The following TOR1AIP1 variants were observed in gnomAD, a reference collection of about 807,000 sequenced individuals.
TOR1AIP1 encodes torsin 1A interacting protein 1.
Under a neutral mutation model 63.3 loss-of-function variants are expected in TOR1AIP1, and 54 were observed. The observed-to-expected ratio is 0.85, with a 90% confidence interval of 0.69 to 1.07. TOR1AIP1 has a LOEUF of 1.07. Among genes scored for constraint, TOR1AIP1 ranks in the 50% least tolerant of loss-of-function variants. The pLI is 0.00. For missense variants in TOR1AIP1, 736 were observed against 715.0 expected (o/e 1.03, Z -0.33); for synonymous variants, 294 against 273.5 (o/e 1.07, Z -0.74).
intron 5 of TOR1AIP1, 94 bp downstream of exon 5, chr1:179,901,482 TAATA>T: frequency 1.7e-6 from 1 of 594,904 alleles, no homozygotes; most frequent in Non-Finnish European, 2.7e-6. Context: ...AAATTTTTAT[TAATA>T]CTTTATAAAA....
intron 2 of TOR1AIP1, among the ~76,000 whole-genome samples, chr1:179,887,553 A>G (rs1284147228): frequency 3.9e-5 from 6 of 152,254 alleles, no homozygotes; most frequent in Non-Finnish European, 5.9e-5. Flanking sequence ...TTGAAATTCC[A>G]TAATTGAGTT....
At chr1:179,896,795 T>G (rs984638067) in intron 3 of TOR1AIP1, among the ~76,000 whole-genome samples, 15 of 152,286 alleles carry the variant, frequency 9.8e-5, no homozygotes, top group African/African-American at 3.6e-4. Context: ...TTACAGACAA[T>G]ACTCTCACAC....
intron 3 of TOR1AIP1, among the ~76,000 whole-genome samples, chr1:179,899,391 G>A (rs550369280): frequency 2.0e-5 from 3 of 152,066 alleles, no homozygotes; most frequent in South Asian, 2.1e-4. Context: ...ACATGGACCC[G>A]CCAGAACTAG....
chr1:179,894,875 T>C (rs1436623650), intron 3 of TOR1AIP1, among the ~76,000 whole-genome samples: 1 of 152,190 alleles, frequency 6.6e-6, no homozygotes, highest in Non-Finnish European at 1.5e-5. Flanking sequence ...TTTCTAGGAA[T>C]AGCAAAATCT....
intron 3 of TOR1AIP1, 133 bp from the exon 4 acceptor site, chr1:179,899,993 G>A: frequency 1.6e-6 from 1 of 624,560 alleles, no homozygotes; most frequent in Non-Finnish European, 2.8e-6. Context: ...GTGTCCTCAT[G>A]TTCATTTTCC....
rs769442684 is a variant in TOR1AIP1, at chr1:179,882,884, A to G, written c.382A>G (p.Thr128Ala). The change falls in exon 1 of 10, where the codon ACC becomes GCC. Residue 128 changes from threonine to alanine, a missense_variant. This residue lies in a region of TOR1AIP1 where 464 missense variants were observed against 371.0 expected (regional missense o/e 1.25). Transcript: ENST00000606911. ...CGAGGAAATGAAGACGCGAAGGACT[A>G]CCCGCCTTCAGCAGCAGCACTCAGA... ...ETEEMKTRRTTRLQQQHSEQP... is the reference protein window; with the variant it reads ...ETEEMKTRRTARLQQQHSEQP... The G allele has an allele frequency of 6.2e-7, 1 of 1,613,938 alleles. No individual in the cohort carries two copies. The highest frequency in any genetic ancestry group is 2.2e-5 in the East Asian group (1 of 44,860).
At chr1:179,886,590 G>T (rs1647916133) in intron 2 of TOR1AIP1, among the ~76,000 whole-genome samples, 1 of 152,106 alleles carries the variant, frequency 6.6e-6, no homozygotes, top group Non-Finnish European at 1.5e-5. Flanking sequence ...CTTTACAAGA[G>T]ATGTGAAGTT....
rs1435260487 is a variant in TOR1AIP1, at chr1:179,890,547, C to A, written c.610+1178C>A. Among the ~76,000 whole-genome samples the A allele has an allele frequency of 3.3e-5, 5 of 152,178 alleles. No homozygotes were observed. In the South Asian group the frequency reaches 1.0e-3, roughly 32 times the overall value. ...TCTCTTGCTATGTCTCTTGCAGATT[C>A]GACATACAAAACAAATAGAAATACT... On this transcript the variant is annotated intron_variant, in intron 3 of 9. Transcript: ENST00000606911.
intron 7 of TOR1AIP1, 151 bp from the exon 8 acceptor site, chr1:179,908,453 GA>G: frequency 1.6e-6 from 1 of 633,570 alleles, no homozygotes; most frequent in South Asian, 2.1e-5. Flanking sequence ...ACGATCCTTT[GA>G]AATTATCTTT....
At chr1:179,913,902 TCCTGGTGGAA>T in intron 8 of TOR1AIP1, 86 bp from the exon 9 acceptor site, 1 of 1,184,588 alleles carries the variant, frequency 8.4e-7, no homozygotes, top group Non-Finnish European at 1.2e-6. Context: ...CTTCTTTTTT[TCCTGGTGGAA>T]TTTGTATCTT....
chr1:179,888,028 A>G (rs796580506), intron 2 of TOR1AIP1: 9 of 152,274 alleles, frequency 5.9e-5, no homozygotes, highest in African/African-American at 2.2e-4. Context: ...TTACTTGGCT[A>G]TGGGATATGT....
intron 9 of TOR1AIP1, among the ~76,000 whole-genome samples, chr1:179,916,048 T>C (rs1347905098): frequency 6.6e-6 from 1 of 152,218 alleles, no homozygotes; most frequent in Non-Finnish European, 1.5e-5. Context: ...TCAGAAAGAA[T>C]ATTGACATAT....
chr1:179,885,850 C>G (rs1174188163), intron 2 of TOR1AIP1, among the ~76,000 whole-genome samples: 1 of 152,142 alleles, frequency 6.6e-6, no homozygotes, highest in Non-Finnish European at 1.5e-5. Context: ...AAACAATTCT[C>G]CTGCCATAGC....
At chr1:179,884,905 T>A (rs1377842429) in intron 2 of TOR1AIP1, 136 bp downstream of exon 2, 20 of 579,494 alleles carry the variant, frequency 3.5e-5, no homozygotes. Context: ...GCCACCCATA[T>A]AACCTTGTAA....
chr1:179,916,026 C>G (rs1240695770), intron 9 of TOR1AIP1, among the ~76,000 whole-genome samples: 1 of 152,144 alleles, frequency 6.6e-6, no homozygotes, highest in African/African-American at 2.4e-5. Flanking sequence ...TTTGTGCATA[C>G]CTTCCATTTG....
At chr1:179,893,544 G>A (rs575240748) in intron 3 of TOR1AIP1, among the ~76,000 whole-genome samples, 2 of 152,002 alleles carry the variant, frequency 1.3e-5, no homozygotes, top group African/African-American at 4.8e-5. Flanking sequence ...AGGCTTAAGC[G>A]ATTCTCCTGC....
chr1:179,900,219 CA>C lies in TOR1AIP1; in HGVS notation c.652+53del, dbSNP rs1648407282. On this transcript the variant is annotated intron_variant, in intron 4 of 9. Transcript: ENST00000606911. Reference sequence around the variant, plus strand: ...TATATACTTTAAGTCTTTTTCTTTACATTAGAAGCCATTCTGATAGATATTT... The same window carrying C: ...TATATACTTTAAGTCTTTTTCTTTACTTAGAAGCCATTCTGATAGATATTT... 1.2e-5 allele frequency: 15 copies of C among 1,228,950 alleles called. No homozygotes were observed. In the East Asian group the frequency reaches 3.9e-4, roughly 32 times the overall value. The allele number at this position is 1,228,950 out of a possible 1,614,324, so 76.1% of individuals were successfully genotyped here. A position where few individuals can be genotyped will look rare whatever the true frequency, so the allele number is the denominator to read the frequency against.
intron 2 of TOR1AIP1, chr1:179,887,781 G>A (rs1258558536): frequency 1.3e-5 from 2 of 152,192 alleles, no homozygotes. Context: ...CAATCAGATA[G>A]TTGTTCTTAA....
At chr1:179,900,233 C>A in intron 4 of TOR1AIP1, 66 bp downstream of exon 4, 1 of 1,146,014 alleles carries the variant, frequency 8.7e-7, no homozygotes, top group Non-Finnish European at 1.3e-6. Context: ...AGAAGCCATT[C>A]TGATAGATAT....
Sources: allele counts gnomAD v4.1 joint callset (sites outside exome capture counted in the v4.1 genomes callset), GRCh38; gene constraint gnomAD v4.1.1; regional missense constraint gnomAD v4.1.1; transcripts MANE v1.5; gene names NCBI Gene and HGNC (gene_info 2026-07-23, HGNC 2026-07-21).